GRM5: variants seen among roughly 807,000 people sequenced by gnomAD.
The protein encoded by GRM5 is metabotropic glutamate receptor 5.
In GRM5, 19 loss-of-function variants were observed where a neutral mutation model predicts 83.1. The observed-to-expected ratio is 0.23, with a 90% CI of 0.16 to 0.34. The LOEUF (loss-of-function observed/expected upper bound fraction) is 0.34, where lower values mean the gene tolerates loss of function less well. Ranked by LOEUF, GRM5 falls within the 10% of genes least tolerant of loss-of-function variation. The pLI is 1.00. For synonymous variants in GRM5, 675 were observed against 633.6 expected (o/e 1.07, Z -0.98); for missense variants, 1,160 against 1,588.3 (o/e 0.73, Z 4.58).
At chr11:88,777,642 G>A (rs1033679945) in intron 3 of GRM5, among the ~76,000 whole-genome samples, 1 of 151,980 alleles carries the variant, frequency 6.6e-6, no homozygotes, top group African/African-American at 2.4e-5. Flanking sequence ...TTTTGTTGAT[G>A]TTGATGCTAT....
intron 9 of GRM5, among the ~76,000 whole-genome samples, chr11:88,512,616 T>C (rs1420403393): frequency 6.6e-6 from 1 of 152,116 alleles, no homozygotes; most frequent in Non-Finnish European, 1.5e-5. Flanking sequence ...AGAATAGAGA[T>C]CCTAAAATCC....
chr11:88,829,680 C>G (rs1943952722), intron 3 of GRM5, among the ~76,000 whole-genome samples: 2 of 152,028 alleles, frequency 1.3e-5, no homozygotes, highest in Non-Finnish European at 2.9e-5. Context: ...TCATCTATCT[C>G]AAGGACCTCG....
chr11:89,042,478 A>C (rs183141187), intron 2 of GRM5, among the ~76,000 whole-genome samples: 6 of 152,312 alleles, frequency 3.9e-5, no homozygotes, highest in African/African-American at 1.4e-4. Flanking sequence ...CAGAAGATTA[A>C]ATGCTGGCCT....
chr11:88,736,287 A>T (rs1254872007), intron 3 of GRM5, among the ~76,000 whole-genome samples: 1 of 152,112 alleles, frequency 6.6e-6, no homozygotes, highest in African/African-American at 2.4e-5. Context: ...TTTTGGATAC[A>T]GAAACTGACT....
intron 7 of GRM5, among the ~76,000 whole-genome samples, chr11:88,585,966 CT>C (rs949110475): frequency 1.3e-5 from 2 of 152,028 alleles, no homozygotes; most frequent in African/African-American, 4.8e-5. Context: ...ATACCAGATT[CT>C]TTATTTGTCT....
At chr11:89,009,930 A>AAAAAAAAAAAAAAAAAAAAAAC (rs1316250515) in intron 2 of GRM5, among the ~76,000 whole-genome samples, 1 of 100,122 alleles carries the variant, frequency 1.0e-5, no homozygotes, top group African/African-American at 3.1e-5. Flanking sequence ...AAAAAAAAAA[A>AAAAAAAAAAAAAAAAAAAAAAC]CACACACAAA....
chr11:88,819,859 G>A (rs12272308), intron 3 of GRM5, among the ~76,000 whole-genome samples: 3,883 of 152,168 alleles, frequency 0.026, 171 homozygotes, highest in African/African-American at 0.089. Context: ...ACAAAAAGGC[G>A]AGCAAATATG....
At chr11:89,015,634 G>T (rs1252337891) in intron 2 of GRM5, among the ~76,000 whole-genome samples, 1 of 152,292 alleles carries the variant, frequency 6.6e-6, no homozygotes, top group Non-Finnish European at 1.5e-5. Flanking sequence ...ACTTTATTCT[G>T]TGTGTGTTTT....
At chr11:88,833,948 C>T (rs188285390) in intron 3 of GRM5, among the ~76,000 whole-genome samples, 3 of 152,162 alleles carry the variant, frequency 2.0e-5, no homozygotes, top group Admixed American at 2.0e-4. Flanking sequence ...ATACCAGAGG[C>T]TGAGAAGGGT....
At chr11:88,957,113 CAACGT>C (rs1326708444) in intron 2 of GRM5, among the ~76,000 whole-genome samples, 4 of 152,176 alleles carry the variant, frequency 2.6e-5, no homozygotes, top group Non-Finnish European at 4.4e-5. Context: ...CTCATTCTGT[CAACGT>C]AAGTTGGAGA....
At chr11:88,931,635 AAAAG>A (rs1339145380) in intron 2 of GRM5, among the ~76,000 whole-genome samples, 1 of 152,130 alleles carries the variant, frequency 6.6e-6, no homozygotes, top group Non-Finnish European at 1.5e-5. Flanking sequence ...ACAGGGCTCT[AAAAG>A]AGATAAAATA....
intron 3 of GRM5, among the ~76,000 whole-genome samples, chr11:88,801,429 C>T (rs916593730): frequency 5.3e-5 from 8 of 152,148 alleles, no homozygotes; most frequent in African/African-American, 1.4e-4. Flanking sequence ...ATGGTTCATG[C>T]TTCTGGGTTT....
intron 3 of GRM5, among the ~76,000 whole-genome samples, chr11:88,807,124 C>A (rs1367533263): frequency 6.6e-6 from 1 of 152,102 alleles, no homozygotes; most frequent in East Asian, 1.9e-4. Context: ...AAAGGCATTG[C>A]CTTTTTACCT....
chr11:88,522,128 G>A, intron 9 of GRM5, among the ~76,000 whole-genome samples: 1 of 152,170 alleles, frequency 6.6e-6, no homozygotes, highest in East Asian at 1.9e-4. Flanking sequence ...AGGAGTCCCA[G>A]ATGTTTGCAG....
chr11:88,932,837 TTAAA>T (rs1937759259), intron 2 of GRM5, among the ~76,000 whole-genome samples: 1 of 151,988 alleles, frequency 6.6e-6, no homozygotes, highest in South Asian at 2.1e-4. Flanking sequence ...TGTTGATTCA[TTAAA>T]TAAAGTCTCT....
At chr11:88,541,913 C>G (rs1391101689) in intron 8 of GRM5, among the ~76,000 whole-genome samples, 1 of 152,188 alleles carries the variant, frequency 6.6e-6, no homozygotes, top group Non-Finnish European at 1.5e-5. Flanking sequence ...CCCCCATGCT[C>G]TTCTCATGAT....
At chr11:88,904,074 G>A (rs1291332261) in intron 2 of GRM5, among the ~76,000 whole-genome samples, 2 of 152,124 alleles carry the variant, frequency 1.3e-5, no homozygotes, top group African/African-American at 4.8e-5. Context: ...AGATAAGTAA[G>A]GGTATAGTAG....
Position 89,055,679 on chromosome 11 carries a change from T to C in GRM5, c.-200-7607A>G, listed in dbSNP as rs180801622. Among the ~76,000 whole-genome samples the C allele has an allele frequency of 1.7e-3, 252 of 151,926 alleles. 1 individual carries two copies. Among genetic ancestry groups the C allele is most frequent in the African/African-American group, 5.8e-3 (243 of 41,552 alleles). On this transcript the variant is annotated intron_variant, in intron 1 of 9. Coordinates refer to ENST00000305447, the MANE Select transcript of GRM5 (RefSeq NM_001143831.3). ...ATTTTCAAAGCTTATAATATTTTAT[T>C]TTTTATTTAAATAAAATTTTAATAT...
chr11:88,883,733 T>C (rs1434424520), intron 2 of GRM5, among the ~76,000 whole-genome samples: 1 of 151,690 alleles, frequency 6.6e-6, no homozygotes, highest in African/African-American at 2.4e-5. Flanking sequence ...AAAAAAATGG[T>C]TTAATGGGCA....
Sources: allele counts gnomAD v4.1 joint callset (sites outside exome capture counted in the v4.1 genomes callset), GRCh38; gene constraint gnomAD v4.1.1; transcripts MANE v1.5; gene names NCBI Gene and HGNC (gene_info 2026-07-23, HGNC 2026-07-21).